The following XRCC4 variants were observed in gnomAD, a reference collection of about 807,000 sequenced individuals.
XRCC4 encodes the protein X-ray repair cross complementing 4.
A neutral mutation model predicts 39.1 loss-of-function variants in XRCC4; 28 were observed. The observed-to-expected ratio is 0.72, with a 90% CI of 0.53 to 0.98. The LOEUF is 0.98. Ranked by LOEUF, XRCC4 falls within the 50% of genes least tolerant of loss-of-function variation. XRCC4 has a pLI of 0.00. For synonymous variants in XRCC4, 123 were observed against 126.4 expected (o/e 0.97, Z 0.18); for missense variants, 350 against 376.4 (o/e 0.93, Z 0.58).
intron 7 of XRCC4, among the ~76,000 whole-genome samples, chr5:83,345,849 C>G (rs1035775212): frequency 2.6e-5 from 4 of 152,100 alleles, no homozygotes; most frequent in Admixed American, 2.6e-4. Context: ...TTTAGAGAAA[C>G]TTTCCCTGGA....
chr5:83,189,626 T>C (rs1417090840), intron 3 of XRCC4, among the ~76,000 whole-genome samples: 1 of 152,224 alleles, frequency 6.6e-6, no homozygotes, highest in Non-Finnish European at 1.5e-5. Flanking sequence ...AATATAGTTT[T>C]CTTATCTTTT....
intron 2 of XRCC4, among the ~76,000 whole-genome samples, chr5:83,106,160 A>G (rs1197567210): frequency 6.6e-6 from 1 of 152,182 alleles, no homozygotes; most frequent in Admixed American, 6.5e-5. Context: ...TGGTTGTTGC[A>G]GTTCAAGAGT....
the XRCC4 span, among the ~76,000 whole-genome samples, chr5:83,369,879 A>G: frequency 6.6e-6 from 1 of 152,258 alleles, no homozygotes; most frequent in Non-Finnish European, 1.5e-5. Context: ...CAGTGTGTAA[A>G]TGTCCCCTTT....
At chr5:83,186,946 T>TAACGGTAGCAG (rs1293006735) in intron 3 of XRCC4, among the ~76,000 whole-genome samples, 18 of 92,356 alleles carry the variant, frequency 1.9e-4, no homozygotes, top group Admixed American at 4.5e-4. Flanking sequence ...CTTCCATTTT[T>TAACGGTAGCAG]TTTTTTTTTT....
At chr5:83,282,230 C>T (rs1333740370) in intron 7 of XRCC4, among the ~76,000 whole-genome samples, 3 of 151,958 alleles carry the variant, frequency 2.0e-5, no homozygotes, top group East Asian at 3.9e-4. Flanking sequence ...GCCTTAAAAC[C>T]GTTTGGCCTA....
intron 1 of XRCC4, among the ~76,000 whole-genome samples, chr5:83,094,378 TTCCCCTCCTCTCCCCTCTTCTCCTC>T (rs1237829769): frequency 8.4e-6 from 1 of 119,676 alleles, no homozygotes; most frequent in Admixed American, 8.9e-5. Context: ...CTCCCCTCTC[TTCCCCTCCTCTCCCCTCTTCTCCTC>T]TCCCCTCTCC....
intron 6 of XRCC4, among the ~76,000 whole-genome samples, chr5:83,258,215 G>C (rs1015792013): frequency 6.6e-6 from 1 of 151,778 alleles, no homozygotes; most frequent in Non-Finnish European, 1.5e-5. Flanking sequence ...TTTTGTTTTT[G>C]TTGCTATGAT....
At chr5:83,132,158 A>G (rs1238967150) in intron 3 of XRCC4, among the ~76,000 whole-genome samples, 3 of 152,134 alleles carry the variant, frequency 2.0e-5, no homozygotes, top group African/African-American at 7.2e-5. Context: ...TTGGCTGGAC[A>G]TGAAATTCTG....
At chr5:83,291,497 T>C (rs1754918729) in intron 7 of XRCC4, among the ~76,000 whole-genome samples, 1 of 151,902 alleles carries the variant, frequency 6.6e-6, no homozygotes, top group Non-Finnish European at 1.5e-5. Flanking sequence ...GCAATGCTTT[T>C]CTTAGATCAA....
At chr5:83,353,107 T>C (rs772012641) in intron 7 of XRCC4, 24 bp from the exon 8 acceptor site, 10 of 1,545,908 alleles carry the variant, frequency 6.5e-6, no homozygotes, top group Non-Finnish European at 7.9e-6. Flanking sequence ...AATAAAACTA[T>C]TTTGATTTTC....
At chr5:83,099,788 T>C (rs1034248540) in intron 1 of XRCC4, among the ~76,000 whole-genome samples, 1 of 152,202 alleles carries the variant, frequency 6.6e-6, no homozygotes, top group Non-Finnish European at 1.5e-5. Flanking sequence ...ACAGGCTTTC[T>C]TATAGCCCTA....
At chr5:83,178,886 C>T (rs572720285) in intron 3 of XRCC4, among the ~76,000 whole-genome samples, 1 of 152,208 alleles carries the variant, frequency 6.6e-6, no homozygotes, top group East Asian at 1.9e-4. Flanking sequence ...TCAGTGACTC[C>T]AATGTGTAAC....
chr5:83,078,809 G>C (rs992566272), intron 1 of XRCC4, among the ~76,000 whole-genome samples: 1 of 152,228 alleles, frequency 6.6e-6, no homozygotes, highest in South Asian at 2.1e-4. Flanking sequence ...GGGGAGAGGG[G>C]AATAAGAAAG....
chr5:83,144,363 A>G (rs1748337180), intron 3 of XRCC4, among the ~76,000 whole-genome samples: 1 of 150,896 alleles, frequency 6.6e-6, no homozygotes, highest in Non-Finnish European at 1.5e-5. Flanking sequence ...TCAAGTTTGT[A>G]AGGATATTTG....
chr5:83,111,649 TAGTA>T (rs1746451049), intron 3 of XRCC4, among the ~76,000 whole-genome samples: 1 of 152,096 alleles, frequency 6.6e-6, no homozygotes, highest in African/African-American at 2.4e-5. Flanking sequence ...GAAAAATGCA[TAGTA>T]AGTATTAAGG....
chr5:83,285,935 G>A (rs1754719359), intron 7 of XRCC4, among the ~76,000 whole-genome samples: 1 of 152,176 alleles, frequency 6.6e-6, no homozygotes, highest in Admixed American at 6.6e-5. Flanking sequence ...ACAGGAGCTT[G>A]TTATTCCTTT....
intron 3 of XRCC4, among the ~76,000 whole-genome samples, chr5:83,128,735 C>G (rs1332295834): frequency 1.3e-5 from 2 of 152,258 alleles, no homozygotes; most frequent in East Asian, 3.9e-4. Context: ...TGATGATGAG[C>G]ATTTTTTCAT....
chr5:83,108,872 G>T (rs1746322851), intron 2 of XRCC4, among the ~76,000 whole-genome samples: 4 of 145,606 alleles, frequency 2.7e-5, no homozygotes, highest in African/African-American at 2.5e-5. Flanking sequence ...TTTTTTAGAA[G>T]AGCTACTAGG....
At chr5:83,190,558 C>T (rs1354022909) in intron 3 of XRCC4, among the ~76,000 whole-genome samples, 1 of 152,074 alleles carries the variant, frequency 6.6e-6, no homozygotes, top group Non-Finnish European at 1.5e-5. Flanking sequence ...AACTTTAATT[C>T]TGCAAGTTTA....
Sources: allele counts gnomAD v4.1 joint callset (sites outside exome capture counted in the v4.1 genomes callset), GRCh38; gene constraint gnomAD v4.1.1; transcripts MANE v1.5; gene names NCBI Gene and HGNC (gene_info 2026-07-23, HGNC 2026-07-21).